The following RIMS1 variants were observed in gnomAD, a reference collection of about 807,000 sequenced individuals.
RIMS1 encodes regulating synaptic membrane exocytosis protein 1.
A neutral mutation model predicts 214.1 loss-of-function variants in RIMS1; 83 were observed. That is an observed-to-expected ratio of 0.39 (90% confidence interval 0.32 to 0.47). The LOEUF (loss-of-function observed/expected upper bound fraction) is 0.47. Ranked by LOEUF, RIMS1 falls within the 20% of genes least tolerant of loss-of-function variation. RIMS1 has a pLI of 0.99. For synonymous variants in RIMS1, 793 were observed against 786.8 expected (o/e 1.01, Z -0.13); for missense variants, 2,050 against 2,161.8 (o/e 0.95, Z 1.03).
rs939428580 is a variant in RIMS1 at position 72,182,734 on chromosome 6, G to T, written c.1263G>T (p.Pro421=). The change falls in exon 6 of 34, where the codon CCG becomes CCT. Residue 421 remains proline (P), a synonymous_variant. Transcript: ENST00000521978. ...KRAPAAARAS[P]PDSPRAYSAE... is the part of the protein sequence containing the mutation. ...CGCCGGCGGCAGCCAGGGCCTCGCCGCCGGACTCGCCGCGGGCTTACTCGG... is the reference window on the plus strand; with the variant it reads ...CGCCGGCGGCAGCCAGGGCCTCGCCTCCGGACTCGCCGCGGGCTTACTCGG... 8 of 1,538,124 alleles carry T rather than the reference G, an allele frequency of 5.2e-6. No homozygotes were observed. The highest frequency in any genetic ancestry group is 7.0e-6 in the Non-Finnish European group (8 of 1,145,356).
intron 28 of RIMS1, among the ~76,000 whole-genome samples, chr6:72,331,013 G>T (rs2096639604): frequency 6.6e-6 from 1 of 151,396 alleles, no homozygotes; most frequent in Admixed American, 6.6e-5. Flanking sequence ...CCCTCCCAAT[G>T]ATAACACTTG....
chr6:72,258,858 T>C, intron 17 of RIMS1, 128 bp from the exon 18 acceptor site: 1 of 904,660 alleles, frequency 1.1e-6, no homozygotes, highest in Non-Finnish European at 1.8e-6. Context: ...ATAAGTAGGT[T>C]TTGATTATGA....
intron 29 of RIMS1, among the ~76,000 whole-genome samples, chr6:72,379,019 C>A (rs1364335359): frequency 6.6e-6 from 1 of 152,194 alleles, no homozygotes. Context: ...GAGCCTTATT[C>A]TTCCAGACAT....
chr6:72,401,938 G>T lies in RIMS1; in HGVS notation c.*1224G>T, dbSNP rs1434416867. 4 of 152,212 alleles carry T rather than the reference G, an allele frequency of 2.6e-5. No homozygotes were observed. The highest frequency in any genetic ancestry group is 1.9e-4 in the East Asian group (1 of 5,196). 9.4% of individuals were successfully genotyped at this position (152,212 alleles called of 1,614,324 possible). ...TTTAATGCAAAGTATCTTACTTTTT[G>T]GGGGGAAAATAAACAAAATGAACTT... On this transcript the variant is annotated 3_prime_UTR_variant, in exon 34 of 34. Coordinates refer to ENST00000521978, the MANE Select transcript of RIMS1 (RefSeq NM_014989.7).
chr6:72,037,721 T>G (rs1341875516), intron 2 of RIMS1, among the ~76,000 whole-genome samples: 1 of 152,080 alleles, frequency 6.6e-6, no homozygotes, highest in African/African-American at 2.4e-5. Flanking sequence ...TTTGTTTGTT[T>G]TAAGGCAGTG....
intron 1 of RIMS1, among the ~76,000 whole-genome samples, chr6:71,960,409 A>G (rs187836288): frequency 6.6e-6 from 1 of 152,184 alleles, no homozygotes; most frequent in African/African-American, 2.4e-5. Context: ...AAGATAACCT[A>G]TGTTAGTTCC....
chr6:72,000,728 G>T (rs1362133685), intron 2 of RIMS1, among the ~76,000 whole-genome samples: 1 of 152,066 alleles, frequency 6.6e-6, no homozygotes, highest in Non-Finnish European at 1.5e-5. Context: ...TACCAACTCT[G>T]TTTTATGTTT....
intron 2 of RIMS1, among the ~76,000 whole-genome samples, chr6:72,092,482 T>C (rs1456176357): frequency 1.3e-5 from 2 of 152,080 alleles, no homozygotes; most frequent in Admixed American, 1.3e-4. Context: ...TTAAGAGAGT[T>C]ATAGACTGAG....
intron 29 of RIMS1, among the ~76,000 whole-genome samples, chr6:72,362,997 G>A (rs1238757859): frequency 6.6e-6 from 1 of 152,142 alleles, no homozygotes; most frequent in Non-Finnish European, 1.5e-5. Context: ...ATCTTATAAT[G>A]TAACAAGAAA....
chr6:72,299,285 C>A (rs1244777841), intron 26 of RIMS1, among the ~76,000 whole-genome samples: 1 of 151,796 alleles, frequency 6.6e-6, no homozygotes, highest in Non-Finnish European at 1.5e-5. Flanking sequence ...TGAATCATAA[C>A]AAAACACATC....
chr6:72,018,892 C>G (rs1362872177), intron 2 of RIMS1, among the ~76,000 whole-genome samples: 1 of 152,148 alleles, frequency 6.6e-6, no homozygotes, highest in Admixed American at 6.6e-5. Context: ...GACTATAGTG[C>G]TCAACATTTT....
rs1278931130 is a variant in RIMS1, at chr6:71,985,774, TA to T, written c.245+16714del. ...GTTGAGTCTCTCCTTCTTGCCTTTGTAAATGTTCTTTCCTCTGCCTGGAGTG... is the reference window on the plus strand; with the variant it reads ...GTTGAGTCTCTCCTTCTTGCCTTTGTAATGTTCTTTCCTCTGCCTGGAGTG... On this transcript the variant is annotated intron_variant, in intron 2 of 33. Coordinates refer to ENST00000521978, the MANE Select transcript of RIMS1 (RefSeq NM_014989.7). Among the ~76,000 whole-genome samples, 3 of 152,200 alleles carry T rather than the reference TA, an allele frequency of 2.0e-5. No homozygotes were observed. The East Asian group carries it at 5.8e-4, about 29-fold the overall frequency.
At chr6:71,941,023 A>C (rs2151013893) in intron 1 of RIMS1, among the ~76,000 whole-genome samples, 1 of 152,304 alleles carries the variant, frequency 6.6e-6, no homozygotes, top group Non-Finnish European at 1.5e-5. Flanking sequence ...AATTTAGTCA[A>C]GTTGAGGAGA....
Position 72,080,800 on chromosome 6 carries a change from C to T in RIMS1, c.246-16149C>T, listed in dbSNP as rs572244817. ...CTCCCTCACCTCCTTCAGGTCTTTG[C>T]TCAAATTTCACCTTTTGGTGAAGCC... On this transcript the variant is annotated intron_variant, in intron 2 of 33. Transcript: ENST00000521978. Among the ~76,000 whole-genome samples, 293 of 152,288 alleles carry T rather than the reference C, an allele frequency of 1.9e-3. 1 individual carries two copies. Among genetic ancestry groups the T allele is most frequent in the Non-Finnish European group, 3.5e-3 (241 of 68,032 alleles).
intron 23 of RIMS1, among the ~76,000 whole-genome samples, chr6:72,276,113 T>C (rs972414064): frequency 1.3e-5 from 2 of 152,088 alleles, no homozygotes; most frequent in Non-Finnish European, 2.9e-5. Context: ...CTCAGAAGGG[T>C]GAGGTGCACA....
chr6:72,367,334 A>G (rs1416999656), intron 29 of RIMS1, among the ~76,000 whole-genome samples: 2 of 152,200 alleles, frequency 1.3e-5, no homozygotes, highest in African/African-American at 4.8e-5. Flanking sequence ...CAGTGCAAAT[A>G]TATGAGCATT....
At chr6:71,991,264 A>G (rs1040599478) in intron 2 of RIMS1, among the ~76,000 whole-genome samples, 1 of 142,128 alleles carries the variant, frequency 7.0e-6, no homozygotes, top group Non-Finnish European at 1.5e-5. Context: ...CTTTTTAATT[A>G]AAAAAAAAAA....
chr6:72,043,332 A>G (rs1821987695), intron 2 of RIMS1, among the ~76,000 whole-genome samples: 1 of 151,912 alleles, frequency 6.6e-6, no homozygotes, highest in Non-Finnish European at 1.5e-5. Flanking sequence ...TGTCATTTTT[A>G]TCTTTCTACT....
intron 1 of RIMS1, among the ~76,000 whole-genome samples, chr6:71,900,998 G>A (rs563840297): frequency 2.2e-4 from 33 of 152,084 alleles, no homozygotes; most frequent in African/African-American, 7.7e-4. Flanking sequence ...CAGAGATATA[G>A]GATAAAAACC....
Sources: allele counts gnomAD v4.1 joint callset (sites outside exome capture counted in the v4.1 genomes callset), GRCh38; gene constraint gnomAD v4.1.1; transcripts MANE v1.5; gene names NCBI Gene and HGNC (gene_info 2026-07-23, HGNC 2026-07-21).